FUT8: variants seen among roughly 807,000 people sequenced by gnomAD.
The protein encoded by FUT8 is alpha-(1,6)-fucosyltransferase.
In FUT8, 29 loss-of-function variants were observed where a neutral mutation model predicts 71.3. The ratio of observed to expected loss-of-function variants is 0.41; its 90% CI spans 0.30 to 0.55. The LOEUF is 0.55. FUT8 is among the 20% of genes least tolerant of loss of function. The pLI, the probability that FUT8 is intolerant of heterozygous loss-of-function variation, is 0.34. For synonymous variants in FUT8, 254 were observed against 239.3 expected, an observed-to-expected ratio of 1.06 and a Z score of -0.57; for missense variants, 544 against 702.1, an observed-to-expected ratio of 0.77 and a Z score of 2.55.
In FUT8 at chr14:65,413,781, G is replaced by A. The variant is rs906087424; in HGVS notation, c.-326+567G>A. 6.6e-6 allele frequency among the ~76,000 whole-genome samples: 1 copy of A among 152,204 alleles called. No homozygotes were observed. The highest frequency in any genetic ancestry group is 1.5e-5 in the Non-Finnish European group (1 of 68,042). On this transcript the variant is annotated intron_variant, in intron 1 of 10. Transcript: ENST00000673929. This position sits in a 1 kb window ranked among gnomAD's most constrained non-coding sequence, Gnocchi z 4.1. ...CTGTACTCCCTTTTGATGTGCAAATGACGAGCTGGCGGCTTTTGAGTATCA... is the reference window on the plus strand; with the variant it reads ...CTGTACTCCCTTTTGATGTGCAAATAACGAGCTGGCGGCTTTTGAGTATCA...
rs1461987230 is a variant in FUT8, at chr14:65,608,020, G to T, written c.204-7958G>T. ...GCAGAGGTTGCAGTGAGCCGAGATT[G>T]TGCCACTGCACTCCAGCCTGGCAAC... On this transcript the variant is annotated intron_variant, in intron 3 of 10. Transcript: ENST00000673929. Among the ~76,000 whole-genome samples the T allele has an allele frequency of 9.6e-5, 14 of 145,378 alleles. 1 individual carries two copies. Among genetic ancestry groups the T allele is most frequent in the African/African-American group, 2.6e-4 (10 of 39,164 alleles).
Position 65,569,900 on chromosome 14 carries a change from C to A in FUT8, c.203+8134C>A, listed in dbSNP as rs565691775. Among the ~76,000 whole-genome samples the A allele has an allele frequency of 3.9e-5, 6 of 152,104 alleles. No individual in the cohort carries two copies. In the East Asian group the frequency reaches 1.2e-3, roughly 29 times the overall value. Reference sequence around the variant, plus strand: ...TTTAGTTTTAGTAAAACCTAGCCCACTTTGTTTCTTCCTTGTTCCTCAGGT... The same window carrying A: ...TTTAGTTTTAGTAAAACCTAGCCCAATTTGTTTCTTCCTTGTTCCTCAGGT... On this transcript the variant is annotated intron_variant, in intron 3 of 10. Transcript: ENST00000673929.
rs538911085 is a variant in FUT8, at chr14:65,472,501, G to T, written c.-228+16783G>T. ...TTCTGTTTTCAAGTATAGATTGAGG[G>T]CAACAGCAGCCTTTGTTTTCTATGT... On this transcript the variant is annotated intron_variant, in intron 2 of 10. Coordinates refer to ENST00000673929, the MANE Select transcript of FUT8 (RefSeq NM_001371533.1). This position sits in a 1 kb window ranked among gnomAD's most constrained non-coding sequence, Gnocchi z 4.4. 3.5e-4 allele frequency among the ~76,000 whole-genome samples: 54 copies of T among 152,136 alleles called. No individual in the cohort carries two copies. Among genetic ancestry groups the T allele is most frequent in the Non-Finnish European group, 4.1e-4 (28 of 68,002 alleles).
At chr14:65,479,710 C>A (rs1167000300) in intron 2 of FUT8, 3 of 151,726 alleles carry the variant, frequency 2.0e-5, no homozygotes, top group Non-Finnish European at 2.9e-5. Context: ...TATGAAGATT[C>A]TATTTTGACC....
In FUT8 at chr14:65,470,354, A is replaced by G. The variant is rs1212363633; in HGVS notation, c.-228+14636A>G. On this transcript the variant is annotated intron_variant, in intron 2 of 10. Coordinates refer to ENST00000673929, the MANE Select transcript of FUT8 (RefSeq NM_001371533.1). ...CTGCAGCTGTATGGGGTTGGGGGAC[A>G]GGGCTCCTGCCTGTTTCCAGTCCCC... Among the ~76,000 whole-genome samples, 5 of 152,054 alleles carry G rather than the reference A, an allele frequency of 3.3e-5. No homozygotes were observed. In the East Asian group the frequency reaches 9.7e-4, roughly 29 times the overall value.
At chr14:65,426,205 G>A (rs1180534672) in intron 1 of FUT8, among the ~76,000 whole-genome samples, 4 of 151,952 alleles carry the variant, frequency 2.6e-5, no homozygotes, top group Non-Finnish European at 5.9e-5. Context: ...AGATCATGTA[G>A]TACGTGTATT....
In FUT8 at chr14:65,566,775, G is replaced by C. The variant is rs1886218295; in HGVS notation, c.203+5009G>C. On this transcript the variant is annotated intron_variant, in intron 3 of 10. Transcript: ENST00000673929. ...TTTCTTTCTTGTTCATTGGTATCAT[G>C]TTAGAACACATGTAGTGGGCCTTTA... 2.0e-5 allele frequency among the ~76,000 whole-genome samples: 3 copies of C among 151,940 alleles called. No homozygotes were observed. The South Asian group carries it at 6.2e-4, about 31-fold the overall frequency.
intron 3 of FUT8, among the ~76,000 whole-genome samples, chr14:65,605,322 C>T (rs11158603): frequency 0.69 from 104,309 of 151,630 alleles, 36,521 homozygotes; most frequent in East Asian, 0.89. Context: ...ATGTATGTTA[C>T]GGGCTTAATT....
chr14:65,429,387 A>G (rs866857926), intron 1 of FUT8, among the ~76,000 whole-genome samples: 1 of 152,204 alleles, frequency 6.6e-6, no homozygotes, highest in Non-Finnish European at 1.5e-5. Flanking sequence ...AATGTATTTT[A>G]ATGATGGTGT....
chr14:65,526,818 A>G (rs1883505286), intron 2 of FUT8, among the ~76,000 whole-genome samples: 1 of 152,124 alleles, frequency 6.6e-6, no homozygotes, highest in African/African-American at 2.4e-5. Context: ...TCCTTCACTT[A>G]TGAAGCTTAG....
At chr14:65,507,745 C>T (rs902479112) in intron 2 of FUT8, among the ~76,000 whole-genome samples, 2 of 152,172 alleles carry the variant, frequency 1.3e-5, no homozygotes, top group Non-Finnish European at 2.9e-5. Context: ...CTATTGTGAA[C>T]AGTGCTACAG....
At chr14:65,588,293 G>T (rs564459947) in intron 3 of FUT8, among the ~76,000 whole-genome samples, 39 of 152,100 alleles carry the variant, frequency 2.6e-4, no homozygotes, top group Middle Eastern at 3.4e-3. Context: ...TCTTCCTTCT[G>T]TTTGAAATGT....
At chr14:65,619,798 A>G (rs1889503469) in intron 5 of FUT8, among the ~76,000 whole-genome samples, 1 of 152,206 alleles carries the variant, frequency 6.6e-6, no homozygotes. Flanking sequence ...CTTCCCAGTA[A>G]TACAGTTAAA....
At chr14:65,535,769 A>G (rs1381487148) in intron 2 of FUT8, among the ~76,000 whole-genome samples, 1 of 152,100 alleles carries the variant, frequency 6.6e-6, no homozygotes, top group Non-Finnish European at 1.5e-5. Context: ...GTTTTGGGGT[A>G]GAGTTCTATA....
Position 65,592,574 on chromosome 14 carries a change from G to T in FUT8, c.204-23404G>T, listed in dbSNP as rs147918875. The stretch of plus-strand genomic sequence containing the variant: ...GACCTGATACTAAGCTTACATTTAA[G>T]GGATTTTATTCTTTTGAGTAAATAG... On this transcript the variant is annotated intron_variant, in intron 3 of 10. Transcript: ENST00000673929. 3.1e-3 allele frequency among the ~76,000 whole-genome samples: 465 copies of T among 152,194 alleles called. 3 individuals are homozygous for T. The East Asian group carries it at 0.035, about 12-fold the overall frequency.
chr14:65,700,453 C>T (rs1302542107), intron 7 of FUT8, among the ~76,000 whole-genome samples: 5 of 118,244 alleles, frequency 4.2e-5, no homozygotes, highest in Admixed American at 2.4e-4. Context: ...TGCAGTGGCT[C>T]AATCTTGGCT....
chr14:65,657,678 A>C (rs1254991231), intron 6 of FUT8, among the ~76,000 whole-genome samples: 1 of 152,084 alleles, frequency 6.6e-6, no homozygotes, highest in Non-Finnish European at 1.5e-5. Flanking sequence ...AAAGGCTGGG[A>C]AGGGTAGTTG....
At chr14:65,629,136 C>T (rs1459142034) in intron 5 of FUT8, among the ~76,000 whole-genome samples, 1 of 152,186 alleles carries the variant, frequency 6.6e-6, no homozygotes, top group Non-Finnish European at 1.5e-5. Flanking sequence ...CCAAGAGGTA[C>T]TAATACTAAC....
At chr14:65,411,509 A>T (rs575592390), upstream of FUT8, 3 of 161,222 alleles carry the variant, frequency 1.9e-5, no homozygotes, top group Admixed American at 1.7e-4. Flanking sequence ...GGTCTCAATA[A>T]ATATGTGAAT....
Sources: gnomAD v4.1 joint callset for allele counts (sites outside exome capture counted in the v4.1 genomes callset) on GRCh38, gnomAD v4.1.1 for gene constraint, Gnocchi (gnomAD v3.1) non-coding constraint, MANE v1.5 for transcripts, NCBI Gene and HGNC (gene_info 2026-07-23, HGNC 2026-07-21) for gene names.